The following AKT3 variants were observed in gnomAD, a reference collection of about 807,000 sequenced individuals.
AKT3 encodes the protein AKT serine/threonine kinase 3, also known as RAC-gamma serine/threonine-protein kinase.
AKT3 carries 15 observed loss-of-function variants against 65.3 expected under a neutral mutation model. That is an observed-to-expected ratio of 0.23 (90% CI 0.15 to 0.35). The LOEUF (loss-of-function observed/expected upper bound fraction) is 0.35. Ranked by LOEUF, AKT3 falls within the 10% of genes least tolerant of loss-of-function variation. The pLI is 1.00. For synonymous variants in AKT3, 206 were observed against 183.8 expected, an observed-to-expected ratio of 1.12 and a Z score of -0.98; for missense variants, 243 against 576.5, an observed-to-expected ratio of 0.42 and a Z score of 5.92.
At chr1:243,768,047 A>G (rs1356852925) in intron 2 of AKT3, among the ~76,000 whole-genome samples, 3 of 151,878 alleles carry the variant, frequency 2.0e-5, no homozygotes, top group African/African-American at 7.2e-5. Flanking sequence ...TTCTGGCTTC[A>G]AGAATATTTA....
intron 11 of AKT3, among the ~76,000 whole-genome samples, chr1:243,547,413 G>A (rs952085484): frequency 2.6e-5 from 4 of 152,014 alleles, no homozygotes; most frequent in Middle Eastern, 3.2e-3. Flanking sequence ...CATAAAATTG[G>A]TGAAAATTTA....
intron 10 of AKT3, among the ~76,000 whole-genome samples, chr1:243,558,364 A>G (rs1225688986): frequency 6.6e-6 from 1 of 152,016 alleles, no homozygotes; most frequent in African/African-American, 2.4e-5. Flanking sequence ...TAGTTGTCAA[A>G]ATATTCTCAT....
chr1:243,848,073 C>G (rs1695593227), intron 1 of AKT3, among the ~76,000 whole-genome samples: 1 of 152,136 alleles, frequency 6.6e-6, no homozygotes, highest in Non-Finnish European at 1.5e-5. Context: ...TGCAAATACA[C>G]AACTGAAAAC....
At chr1:243,702,016 G>T (rs1685496098) in intron 2 of AKT3, among the ~76,000 whole-genome samples, 1 of 149,386 alleles carries the variant, frequency 6.7e-6, no homozygotes, top group African/African-American at 2.5e-5. Flanking sequence ...AAAATGTATA[G>T]ATTACATCTA....
At chr1:243,825,844 G>A (rs764385297) in intron 2 of AKT3, among the ~76,000 whole-genome samples, 3 of 151,802 alleles carry the variant, frequency 2.0e-5, no homozygotes, top group East Asian at 1.9e-4. Context: ...TTTAAGAAGG[G>A]AGCATAGCCA....
intron 8 of AKT3, among the ~76,000 whole-genome samples, chr1:243,584,558 G>A (rs1675650483): frequency 6.6e-6 from 1 of 152,120 alleles, no homozygotes; most frequent in Non-Finnish European, 1.5e-5. Context: ...CTAGCAAACT[G>A]AATTGAAAAA....
At chr1:243,694,198 A>C (rs1684910368) in intron 3 of AKT3, among the ~76,000 whole-genome samples, 1 of 152,210 alleles carries the variant, frequency 6.6e-6, no homozygotes, top group Non-Finnish European at 1.5e-5. Context: ...TAAAATGGAT[A>C]AACTAAAAAG....
intron 2 of AKT3, among the ~76,000 whole-genome samples, chr1:243,722,170 A>G (rs968870780): frequency 6.6e-6 from 1 of 152,188 alleles, no homozygotes; most frequent in Admixed American, 6.5e-5. Flanking sequence ...AGAACAATTC[A>G]TATATTTTGA....
chr1:243,576,393 AG>A, intron 8 of AKT3, among the ~76,000 whole-genome samples: 10 of 152,206 alleles, frequency 6.6e-5, no homozygotes, highest in African/African-American at 2.4e-4. Context: ...CAGGGCAATC[AG>A]GCAAGAGAAA....
chr1:243,531,481 G>C (rs3006942), intron 12 of AKT3, among the ~76,000 whole-genome samples: 130,484 of 152,126 alleles, frequency 0.86, 56,032 homozygotes, highest in Admixed American at 0.91. Flanking sequence ...AGTTTTTATA[G>C]TTTTCTCCCA....
chr1:243,594,509 T>A (rs1208249091), intron 8 of AKT3, among the ~76,000 whole-genome samples: 1 of 152,216 alleles, frequency 6.6e-6, no homozygotes, highest in Non-Finnish European at 1.5e-5. Flanking sequence ...GTGGTACTGA[T>A]GTAAAGAGAA....
chr1:243,805,265 G>A (rs905819132), intron 2 of AKT3, among the ~76,000 whole-genome samples: 1 of 151,826 alleles, frequency 6.6e-6, no homozygotes, highest in Non-Finnish European at 1.5e-5. Flanking sequence ...GGACCAACTG[G>A]GAGTTTGCCT....
intron 2 of AKT3, among the ~76,000 whole-genome samples, chr1:243,712,949 T>C (rs987297764): frequency 6.6e-6 from 1 of 152,124 alleles, no homozygotes; most frequent in Admixed American, 6.6e-5. Flanking sequence ...ATGACAACCA[T>C]GAGAAAAAGA....
At chr1:243,753,898 A>G (rs951310135) in intron 2 of AKT3, among the ~76,000 whole-genome samples, 3 of 152,242 alleles carry the variant, frequency 2.0e-5, no homozygotes, top group Admixed American at 2.0e-4. Context: ...TGGAGAAGTA[A>G]CAATGAACCC....
chr1:243,642,535 T>C (rs1450613258), intron 5 of AKT3, among the ~76,000 whole-genome samples: 2 of 152,124 alleles, frequency 1.3e-5, no homozygotes, highest in African/African-American at 4.8e-5. Flanking sequence ...GGTCTCGATC[T>C]CCTGACCTTG....
intron 2 of AKT3, among the ~76,000 whole-genome samples, chr1:243,696,385 T>A (rs1685068056): frequency 6.6e-6 from 1 of 151,918 alleles, no homozygotes; most frequent in South Asian, 2.1e-4. Flanking sequence ...TCAATAAATG[T>A]ATACTTTATT....
At chr1:243,583,826 AAGAGG>A (rs1675598940) in intron 8 of AKT3, among the ~76,000 whole-genome samples, 1 of 152,136 alleles carries the variant, frequency 6.6e-6, no homozygotes, top group South Asian at 2.1e-4. Flanking sequence ...AAGCAGTGTT[AAGAGG>A]AAAGTTGAAA....
chr1:243,755,798 A>G (rs1361936852), intron 2 of AKT3, among the ~76,000 whole-genome samples: 1 of 152,246 alleles, frequency 6.6e-6, no homozygotes, highest in African/African-American at 2.4e-5. Context: ...AATTCCACCT[A>G]AAGATCAAAG....
intron 2 of AKT3, among the ~76,000 whole-genome samples, chr1:243,705,568 T>C (rs529802659): frequency 1.3e-5 from 2 of 152,242 alleles, no homozygotes; most frequent in African/African-American, 2.4e-5. Context: ...AACATCTTAA[T>C]AGAGTTACAG....
Sources: gnomAD v4.1 joint callset for allele counts (sites outside exome capture counted in the v4.1 genomes callset) on GRCh38, gnomAD v4.1.1 for gene constraint, MANE v1.5 for transcripts, NCBI Gene and HGNC (gene_info 2026-07-23, HGNC 2026-07-21) for gene names.